Variants in SLC12A8 observed in about 807,000 individuals in gnomAD.
SLC12A8 encodes cation-chloride cotransporter 9.
A neutral mutation model predicts 75.6 loss-of-function variants in SLC12A8; 69 were observed. That is an observed-to-expected ratio of 0.91 (90% CI 0.75 to 1.11). The LOEUF (loss-of-function observed/expected upper bound fraction) is 1.11, where lower values mean the gene tolerates loss of function less well. SLC12A8 is among the 50% of genes most tolerant of loss of function. The pLI, the probability that SLC12A8 is intolerant of heterozygous loss-of-function variation, is 0.00. For synonymous variants in SLC12A8, 365 were observed against 372.8 expected (o/e 0.98, Z 0.24); for missense variants, 877 against 896.7 (o/e 0.98, Z 0.28).
At chr3:125,084,824 G>A (rs937336296) in intron 13 of SLC12A8, among the ~76,000 whole-genome samples, 1 of 152,098 alleles carries the variant, frequency 6.6e-6, no homozygotes, top group Non-Finnish European at 1.5e-5. Flanking sequence ...TCATCTTCCC[G>A]GGTCTCTTCC....
chr3:125,202,549 A>T (rs1336539981), intron 2 of SLC12A8, among the ~76,000 whole-genome samples: 2 of 152,114 alleles, frequency 1.3e-5, no homozygotes, highest in Non-Finnish European at 2.9e-5. Flanking sequence ...CTGACCATGG[A>T]TGAAATTTAC....
intron 5 of SLC12A8, among the ~76,000 whole-genome samples, chr3:125,149,341 G>A (rs1228797103): frequency 1.3e-5 from 2 of 152,212 alleles, no homozygotes; most frequent in Admixed American, 1.3e-4. Context: ...GCTGGGTTTT[G>A]GGATCAGGGT....
At chr3:125,128,188 T>TA (rs1560060792) in intron 6 of SLC12A8, among the ~76,000 whole-genome samples, 2,450 of 115,996 alleles carry the variant, frequency 0.021, 36 homozygotes, top group Non-Finnish European at 0.028. Flanking sequence ...TTTTTATTTT[T>TA]TTTTTTTTTT....
chr3:125,147,131 A>T (rs1933796706), intron 5 of SLC12A8, among the ~76,000 whole-genome samples: 1 of 152,218 alleles, frequency 6.6e-6, no homozygotes, highest in Non-Finnish European at 1.5e-5. Flanking sequence ...TCCAGGGAAG[A>T]CTTCCGCAAA....
chr3:125,094,642 T>C (rs1938668352), intron 10 of SLC12A8, among the ~76,000 whole-genome samples: 2 of 152,198 alleles, frequency 1.3e-5, no homozygotes, highest in Non-Finnish European at 2.9e-5. Flanking sequence ...AATACAAATA[T>C]ACTGTCTTCT....
intron 12 of SLC12A8, among the ~76,000 whole-genome samples, chr3:125,089,601 T>C (rs1433376223): frequency 1.3e-5 from 2 of 151,340 alleles, no homozygotes; most frequent in Non-Finnish European, 2.9e-5. Flanking sequence ...TTATTTTTAA[T>C]ACACACGACT....
chr3:125,182,784 G>A lies in SLC12A8; in HGVS notation c.390+4453C>T, dbSNP rs138147856. The stretch of plus-strand genomic sequence containing the variant: ...GCCTCCCAAAGTTCTGGGATTACAG[G>A]CGTGAGCCACCGCGCCTGGCCTTGG... On this transcript the variant is annotated intron_variant, in intron 4 of 13. Transcript: ENST00000469902. Among the ~76,000 whole-genome samples the A allele has an allele frequency of 5.4e-3, 826 of 152,290 alleles. 8 individuals carry two copies. The highest frequency in any genetic ancestry group is 0.019 in the African/African-American group (785 of 41,554).
At chr3:125,137,667 CAG>C (rs1313698414) in intron 5 of SLC12A8, among the ~76,000 whole-genome samples, 1 of 152,226 alleles carries the variant, frequency 6.6e-6, no homozygotes, top group Non-Finnish European at 1.5e-5. Flanking sequence ...GGCCCTGACA[CAG>C]GGGAATATTT....
intron 5 of SLC12A8, among the ~76,000 whole-genome samples, chr3:125,173,452 C>CAAAAAA (rs61001520): frequency 3.8e-5 from 3 of 79,614 alleles, no homozygotes; most frequent in African/African-American, 5.4e-5. Flanking sequence ...ATTCATGAGC[C>CAAAAAA]AAAAAAAAAA....
chr3:125,117,505 A>G (rs1326378039), intron 8 of SLC12A8, among the ~76,000 whole-genome samples: 1 of 151,316 alleles, frequency 6.6e-6, no homozygotes, highest in Non-Finnish European at 1.5e-5. Context: ...CTGAGGTGGG[A>G]GAATCACCTG....
At position 125,107,500 on chromosome 3, in the gene SLC12A8, T is replaced by C. The variant is rs776379538; in HGVS notation, c.1686A>G (p.Gln562=). The C allele has an allele frequency of 1.5e-5, 24 of 1,609,262 alleles. No individual in the cohort carries two copies. The highest frequency in any genetic ancestry group is 1.9e-5 in the Non-Finnish European group (22 of 1,176,046). ...ACTCACCTTCTCCACTGGACTCTGA[T>C]TGGTTGCACAGCTCAGGAACAAGTT... ...GEQLVPELCN[Q]SESSGEDFFL... Residue 562 remains glutamine, a synonymous_variant, in exon 10 of 14, where the codon CAA becomes CAG. Coordinates refer to ENST00000469902, the MANE Select transcript of SLC12A8 (RefSeq NM_024628.6).
At chr3:125,197,900 G>A (rs925464879) in intron 2 of SLC12A8, among the ~76,000 whole-genome samples, 90 of 152,330 alleles carry the variant, frequency 5.9e-4, no homozygotes, top group African/African-American at 2.1e-3. Flanking sequence ...AGGGATTAAT[G>A]AGGAAGAGGG....
chr3:125,149,118 A>C (rs1933857602), intron 5 of SLC12A8, among the ~76,000 whole-genome samples: 1 of 152,154 alleles, frequency 6.6e-6, no homozygotes, highest in African/African-American at 2.4e-5. Context: ...GCAGGCATCC[A>C]TACCCGGAAC....
At position 125,083,920 on chromosome 3, in the gene SLC12A8, C is replaced by T. The variant is rs772457404; in HGVS notation, c.2115G>A (p.Val705=). ...AGTGAGGCATCAGCTGCTCCCGGTTCACGAGGGAGGAGTGGTGGTAGCGAT... is the reference window on the plus strand; with the variant it reads ...AGTGAGGCATCAGCTGCTCCCGGTTTACGAGGGAGGAGTGGTGGTAGCGAT... The part of the protein sequence containing the change: ...TRDRYHHSSL[V]NREQLMPHY The change falls in exon 14 of 14, where the codon GTG becomes GTA. Residue 705 remains valine (V), a synonymous_variant. Coordinates refer to ENST00000469902, the MANE Select transcript of SLC12A8 (RefSeq NM_024628.6). 37 of 1,613,202 alleles carry T rather than the reference C, an allele frequency of 2.3e-5. No homozygotes were observed. Among genetic ancestry groups the T allele is most frequent in the Non-Finnish European group, 2.8e-5 (33 of 1,179,780 alleles).
intron 5 of SLC12A8, among the ~76,000 whole-genome samples, chr3:125,148,933 C>T (rs1019055507): frequency 6.6e-6 from 1 of 152,044 alleles, no homozygotes; most frequent in Admixed American, 6.5e-5. Flanking sequence ...CCAGGGGACA[C>T]CTGCCACGTG....
At chr3:125,195,999 C>T (rs750698822) in intron 2 of SLC12A8, among the ~76,000 whole-genome samples, 7 of 152,174 alleles carry the variant, frequency 4.6e-5, no homozygotes, top group African/African-American at 7.2e-5. Context: ...TAATAACAGG[C>T]GAACCAGTGA....
chr3:125,189,667 T>C (rs1934869973), intron 3 of SLC12A8, among the ~76,000 whole-genome samples: 1 of 152,216 alleles, frequency 6.6e-6, no homozygotes, highest in Non-Finnish European at 1.5e-5. Context: ...CAGCAGGTGC[T>C]CATCCATGTT....
At chr3:125,193,618 G>A (rs919191204) in intron 2 of SLC12A8, among the ~76,000 whole-genome samples, 4 of 152,142 alleles carry the variant, frequency 2.6e-5, no homozygotes, top group African/African-American at 7.2e-5. Flanking sequence ...TCTGCAGTAC[G>A]GGCAGACATG....
intron 5 of SLC12A8, among the ~76,000 whole-genome samples, chr3:125,141,268 G>A (rs1259877907): frequency 1.3e-5 from 2 of 152,242 alleles, no homozygotes; most frequent in East Asian, 3.8e-4. Context: ...AGAAAGGCTT[G>A]ATCTTTCCAC....
Sources: gnomAD v4.1 joint callset for allele counts (sites outside exome capture counted in the v4.1 genomes callset) on GRCh38, gnomAD v4.1.1 for gene constraint, MANE v1.5 for transcripts, NCBI Gene and HGNC (gene_info 2026-07-23, HGNC 2026-07-21) for gene names.